The following FMR1 variants were observed in gnomAD, a reference collection of about 807,000 sequenced individuals.
The protein encoded by FMR1 is FMRP translational regulator 1.
A neutral mutation model predicts 50.6 loss-of-function variants in FMR1; 13 were observed. The observed-to-expected ratio is 0.26, with a 90% CI of 0.17 to 0.41. The LOEUF is 0.41. FMR1 is among the 10% of genes least tolerant of loss of function. FMR1 has a pLI of 1.00. For missense variants in FMR1, 316 were observed against 491.3 expected (o/e 0.64, Z 3.37); for synonymous variants, 138 against 164.1 (o/e 0.84, Z 1.22).
chrX:147,916,435 G>A (rs1196447194), intron 1 of FMR1, among the ~76,000 whole-genome samples: 4 of 110,758 alleles, frequency 3.6e-5, no homozygotes, highest in African/African-American at 1.3e-4. Context: ...AACGGGGCGG[G>A]GGGAGTGGGG....
rs1416230595 is a variant in FMR1 at position 147,915,611 on chromosome X, A to T, written c.51+3381A>T. The stretch of plus-strand genomic sequence containing the variant: ...ATATTCTCATAACCTCCAAATTATT[A>T]ATTAGATGCAACATTCAGTGGTATA... On this transcript the variant is annotated intron_variant, in intron 1 of 16. Transcript: ENST00000370475. Among the ~76,000 whole-genome samples, 3 of 111,212 alleles carry T rather than the reference A, an allele frequency of 2.7e-5. No homozygotes were observed. In the Admixed American group the frequency reaches 2.9e-4, roughly 11 times the overall value.
chrX:147,937,439 C>G, intron 10 of FMR1, 27 bp from the exon 11 acceptor site: 1 of 1,045,067 alleles, frequency 9.6e-7, no homozygotes, highest in Non-Finnish European at 1.3e-6. Flanking sequence ...CTTTTTTTCT[C>G]TTTTGTGTTT....
At chrX:147,930,532 CAT>C (rs2043554539) in intron 7 of FMR1, among the ~76,000 whole-genome samples, 1 of 111,811 alleles carries the variant, frequency 8.9e-6, no homozygotes, top group African/African-American at 3.2e-5. Flanking sequence ...TTCCATATAA[CAT>C]GTTGTCATTA....
rs782101918 is a variant in FMR1, at chrX:147,949,265, T to C, written c.*421T>C. ...TCGTATAGAAGTCTTCATGAAATGC[T>C]ATGTCATTTCATGTCCTGTGTCAGT... On this transcript the variant is annotated 3_prime_UTR_variant, in exon 17 of 17. Transcript: ENST00000370475. The C allele has an allele frequency of 3.0e-6, 1 of 328,826 alleles. No individual in the cohort carries two copies. Among genetic ancestry groups the C allele is most frequent in the South Asian group, 2.6e-5 (1 of 38,235 alleles). The allele number at this position is 328,826 out of a possible 1,213,427, so 27.1% of individuals were successfully genotyped here. A position where few individuals can be genotyped will look rare whatever the true frequency, so the allele number is the denominator to read the frequency against.
chrX:147,940,615 A>C lies in FMR1; in HGVS notation c.1228A>C (p.Ile410Leu), dbSNP rs1557180628. Residue 410 changes from isoleucine to leucine, a missense_variant, in exon 13 of 17, where the codon ATC becomes CTC. Coordinates refer to ENST00000370475, the MANE Select transcript of FMR1 (RefSeq NM_002024.6). ...TGTTTTTGTGGGAACAAAGGACAGC[A>C]TCGCTAATGCCACTGTTCTTTTGGA... Reference protein sequence around the residue: ...PFVFVGTKDSIANATVLLDYH... With the variant: ...PFVFVGTKDSLANATVLLDYH... 1 of 1,205,443 alleles carries C rather than the reference A, an allele frequency of 8.3e-7. No individual in the cohort carries two copies.
chrX:147,946,743 G>A (rs1235942426), intron 16 of FMR1, among the ~76,000 whole-genome samples: 2 of 112,240 alleles, frequency 1.8e-5, no homozygotes, highest in Non-Finnish European at 3.8e-5. Context: ...TTATTAAGTA[G>A]TTAGGGTTCC....
At chrX:147,934,463 A>T (rs190483443) in intron 9 of FMR1, among the ~76,000 whole-genome samples, 53 of 111,391 alleles carry the variant, frequency 4.8e-4, no homozygotes, top group Non-Finnish European at 8.9e-4. Flanking sequence ...ATTGGAAGAT[A>T]TAGTAGGGGA....
In FMR1 at chrX:147,925,498, A is replaced by G. The variant is rs1557177360; in HGVS notation, c.105-42A>G. The G allele has an allele frequency of 4.1e-6, 4 of 983,757 alleles. No individual in the cohort carries two copies. In the Admixed American group the frequency reaches 6.6e-5, roughly 16 times the overall value. The allele number at this position is 983,757 out of a possible 1,213,427, so 81.1% of individuals were successfully genotyped here. A position where few individuals can be genotyped will look rare whatever the true frequency, so the allele number is the denominator to read the frequency against. On this transcript the variant is annotated intron_variant, in intron 2 of 16. Transcript: ENST00000370475. ...AGAGTGGTCATTATTTCAGTTAAAC[A>G]TGAAAAGCATGTTAAATAATTGTAT...
At chrX:147,926,345 TC>T (rs1557177552) in intron 3 of FMR1, among the ~76,000 whole-genome samples, 1 of 111,935 alleles carries the variant, frequency 8.9e-6, no homozygotes, top group Non-Finnish European at 1.9e-5. Flanking sequence ...CTCTTCTTTT[TC>T]TACAATAATA....
intron 3 of FMR1, among the ~76,000 whole-genome samples, chrX:147,926,205 ATGT>A (rs1557177522): frequency 1.8e-5 from 2 of 111,709 alleles, no homozygotes; most frequent in African/African-American, 3.3e-5. Flanking sequence ...GTGAACAGAA[ATGT>A]TGTGTTTGTG....
intron 1 of FMR1, among the ~76,000 whole-genome samples, chrX:147,917,516 C>T (rs891115203): frequency 8.9e-6 from 1 of 111,755 alleles, no homozygotes; most frequent in Non-Finnish European, 1.9e-5. Flanking sequence ...AGATTCTCAT[C>T]ACATTTTTTT....
intron 1 of FMR1, chrX:147,912,911 G>A (rs185356050): frequency 3.5e-6 from 1 of 287,379 alleles, no homozygotes; most frequent in Non-Finnish European, 6.1e-6. Context: ...GCAGTGCATT[G>A]AAGAAGTTGA....
Position 147,944,997 on chromosome X carries a change from C to T in FMR1, c.1600C>T (p.Arg534Cys). The part of the protein sequence containing the change: ...SFLRRGDGRR[R>C]GGGGRGQGGR... Reference sequence around the variant, plus strand: ...CCTGCGCAGAGGAGACGGACGGCGGCGTGGAGGGGGAGGAAGAGGACAAGG... The same window carrying T: ...CCTGCGCAGAGGAGACGGACGGCGGTGTGGAGGGGGAGGAAGAGGACAAGG... The change falls in exon 15 of 17, where the codon CGT becomes TGT. Residue 534 changes from arginine to cysteine, a missense_variant. This residue lies in a region of FMR1 where 124 missense variants were observed against 160.8 expected (regional missense o/e 0.77). Transcript: ENST00000370475. The T allele has an allele frequency of 8.3e-7, 1 of 1,198,887 alleles. No homozygotes were observed.
intron 14 of FMR1, chrX:147,944,240 G>T: frequency 1.3e-6 from 1 of 751,774 alleles, no homozygotes; most frequent in Non-Finnish European, 1.6e-6. Flanking sequence ...ACCCCTTCAG[G>T]CATAATGAAT....
At chrX:147,914,171 T>C (rs1296355111) in intron 1 of FMR1, 1 of 112,487 alleles carries the variant, frequency 8.9e-6, no homozygotes, top group African/African-American at 3.2e-5. Flanking sequence ...GAATGAAGAA[T>C]AGGTTGGTTG....
At chrX:147,924,756 G>A (rs1252724627) in intron 2 of FMR1, among the ~76,000 whole-genome samples, 1 of 108,022 alleles carries the variant, frequency 9.3e-6, no homozygotes, top group African/African-American at 3.4e-5. Context: ...CTGGCCTGAA[G>A]CAGTGCTCCC....
At chrX:147,930,288 C>G (rs782322977) in intron 7 of FMR1, 44 bp downstream of exon 7, 1 of 760,429 alleles carries the variant, frequency 1.3e-6, no homozygotes, top group African/African-American at 2.1e-5. Context: ...TACCTAGGAA[C>G]GATTAACTGT....
intron 3 of FMR1, 30 bp downstream of exon 3, chrX:147,925,663 G>A (rs781832896): frequency 1.1e-6 from 1 of 937,422 alleles, no homozygotes; most frequent in South Asian, 1.9e-5. Flanking sequence ...AAGTCATTTA[G>A]CACTGAAAGA....
intron 16 of FMR1, chrX:147,946,931 T>C (rs1232553377): frequency 1.8e-5 from 2 of 112,383 alleles, no homozygotes; most frequent in African/African-American, 6.5e-5. Context: ...TAAATTACTG[T>C]ATGTACCTGT....
Sources: allele counts gnomAD v4.1 joint callset (sites outside exome capture counted in the v4.1 genomes callset), GRCh38; gene constraint gnomAD v4.1.1; regional missense constraint gnomAD v4.1.1; transcripts MANE v1.5; gene names NCBI Gene and HGNC (gene_info 2026-07-23, HGNC 2026-07-21).